RBPJ: variants seen among roughly 807,000 people sequenced by gnomAD.
RBPJ encodes the protein recombining binding protein suppressor of hairless.
RBPJ carries 9 observed loss-of-function variants against 67.8 expected under a neutral mutation model. The ratio of observed to expected loss-of-function variants is 0.13; its 90% CI spans 0.08 to 0.23. The LOEUF (loss-of-function observed/expected upper bound fraction) is 0.23. RBPJ is among the 10% of genes least tolerant of loss of function. The probability of loss-of-function intolerance (pLI) is 1.00; values close to 1 mark genes in which losing one functional copy is unlikely to be tolerated. For missense variants in RBPJ, 305 were observed against 595.6 expected (o/e 0.51, Z 5.08); for synonymous variants, 198 against 203.3 (o/e 0.97, Z 0.22).
chr4:26,236,404 GGTTGGGT>G (rs1719453660), intron 1 of RBPJ, among the ~76,000 whole-genome samples: 1 of 152,182 alleles, frequency 6.6e-6, no homozygotes, highest in African/African-American at 2.4e-5. Flanking sequence ...GAGTGCCTCA[GGTTGGGT>G]AGTTTTCATT....
intron 1 of RBPJ, among the ~76,000 whole-genome samples, chr4:26,308,591 A>G (rs1024633778): frequency 6.6e-6 from 1 of 152,242 alleles, no homozygotes; most frequent in Non-Finnish European, 1.5e-5. Context: ...GTTCAAAGGG[A>G]TTATTAGTCA....
chr4:26,391,886 C>T (rs1269186778), intron 2 of RBPJ, among the ~76,000 whole-genome samples: 3 of 152,178 alleles, frequency 2.0e-5, no homozygotes, highest in Non-Finnish European at 4.4e-5. Context: ...ATTTATGTCT[C>T]ATAATTCTGG....
chr4:26,411,119 A>G (rs1027696004), intron 3 of RBPJ, among the ~76,000 whole-genome samples: 3 of 152,098 alleles, frequency 2.0e-5, no homozygotes, highest in Non-Finnish European at 4.4e-5. Context: ...ACCACATAAG[A>G]TATATTTTAG....
At chr4:26,216,016 C>G (rs76095408) in intron 1 of RBPJ, among the ~76,000 whole-genome samples, 1,730 of 152,206 alleles carry the variant, frequency 0.011, 26 homozygotes, top group African/African-American at 0.039. Flanking sequence ...TCAGGGCCAC[C>G]CTCCCTATCG....
intron 1 of RBPJ, among the ~76,000 whole-genome samples, chr4:26,342,956 CTTTTG>C (rs1179752719): frequency 2.0e-5 from 3 of 152,134 alleles, no homozygotes; most frequent in Non-Finnish European, 4.4e-5. Context: ...TACTGGAGTA[CTTTTG>C]TTTTATGTAA....
At chr4:26,366,396 T>G (rs1376205048) in intron 1 of RBPJ, among the ~76,000 whole-genome samples, 2 of 152,144 alleles carry the variant, frequency 1.3e-5, no homozygotes, top group South Asian at 4.1e-4. Flanking sequence ...ATGTGTTTGT[T>G]TGCCCTGGTA....
intron 1 of RBPJ, among the ~76,000 whole-genome samples, chr4:26,230,900 G>T (rs1719256517): frequency 6.6e-6 from 1 of 152,090 alleles, no homozygotes; most frequent in African/African-American, 2.4e-5. Flanking sequence ...GATATATTTT[G>T]ACATTTTGAG....
chr4:26,289,247 A>C (rs1023465096), intron 1 of RBPJ, among the ~76,000 whole-genome samples: 2 of 149,678 alleles, frequency 1.3e-5, no homozygotes, highest in African/African-American at 4.9e-5. Flanking sequence ...AAATACAAAA[A>C]TTAGCTGGGC....
chr4:26,106,248 G>A, the RBPJ span, among the ~76,000 whole-genome samples: 13 of 152,308 alleles, frequency 8.5e-5, no homozygotes, highest in East Asian at 2.3e-3. Flanking sequence ...TATTTTCCAG[G>A]CTATCTTGCA....
chr4:26,343,739 CTTTT>C (rs71186404), intron 1 of RBPJ, among the ~76,000 whole-genome samples: 9 of 55,832 alleles, frequency 1.6e-4, no homozygotes, highest in African/African-American at 2.5e-4. Context: ...TTTCTTTCTT[CTTTT>C]TTTTTTTTTT....
intron 3 of RBPJ, among the ~76,000 whole-genome samples, chr4:26,413,382 T>C (rs890868363): frequency 6.6e-6 from 1 of 152,210 alleles, no homozygotes; most frequent in Non-Finnish European, 1.5e-5. Flanking sequence ...CCCATACTTA[T>C]CACCAGCTAA....
At chr4:26,320,599 C>A, upstream of RBPJ, 3 of 805,186 alleles carry the variant, frequency 3.7e-6, no homozygotes, top group Non-Finnish European at 5.7e-6. Flanking sequence ...GCCTGTGAAA[C>A]GCAGCCCATT....
At chr4:26,337,111 G>A (rs958177401) in intron 1 of RBPJ, among the ~76,000 whole-genome samples, 1 of 151,184 alleles carries the variant, frequency 6.6e-6, no homozygotes, top group Non-Finnish European at 1.5e-5. Flanking sequence ...ACAGGCGACA[G>A]CCACCATGCC....
chr4:26,362,714 G>C (rs1728203919), intron 1 of RBPJ: 1 of 1,067,766 alleles, frequency 9.4e-7, no homozygotes, highest in Non-Finnish European at 1.4e-6. Flanking sequence ...GCATATTTAA[G>C]ATATTCTGTA....
chr4:26,401,790 A>G (rs1386270050), intron 2 of RBPJ, among the ~76,000 whole-genome samples: 2 of 152,024 alleles, frequency 1.3e-5, no homozygotes, highest in Non-Finnish European at 1.5e-5. Context: ...TCAAATATAT[A>G]GTAGCTCTTC....
chr4:26,191,688 T>G lies in RBPJ; in HGVS notation c.-167+28074T>G, dbSNP rs140620003. On this transcript the variant is annotated intron_variant, in intron 1 of 4. Transcript: ENST00000512351. ...ATGACGGGAGACTACATGTATAAAA[T>G]GTGGTCTACCAGGGAAGCTCATTAG... 1.4e-3 allele frequency among the ~76,000 whole-genome samples: 220 copies of G among 152,274 alleles called. 1 individual carries two copies. Among genetic ancestry groups the G allele is most frequent in the African/African-American group, 4.8e-3 (199 of 41,554 alleles).
chr4:26,106,259 A>G, the RBPJ span, among the ~76,000 whole-genome samples: 1 of 152,216 alleles, frequency 6.6e-6, no homozygotes, highest in African/African-American at 2.4e-5. Flanking sequence ...CTATCTTGCA[A>G]TAGAGTTCTA....
At chr4:26,374,516 C>G (rs1729508112) in intron 1 of RBPJ, among the ~76,000 whole-genome samples, 1 of 151,462 alleles carries the variant, frequency 6.6e-6, no homozygotes, top group South Asian at 2.1e-4. Context: ...CGCTCTGTCA[C>G]CAGGCTGGAG....
rs185315115 is a variant in RBPJ at position 26,370,953 on chromosome 4, G to A, written c.21-15400G>A. 8.6e-5 allele frequency among the ~76,000 whole-genome samples: 13 copies of A among 152,000 alleles called. 1 individual carries two copies. Among genetic ancestry groups the A allele is most frequent in the African/African-American group, 1.4e-4 (6 of 41,476 alleles). ...AAATTAGCCGGGCGTGGTGGCGGAC[G>A]CCTGTAGTCCCAGCTACTCTGGAGG... On this transcript the variant is annotated intron_variant, in intron 1 of 10. Transcript: ENST00000355476.
Sources: gnomAD v4.1 joint callset for allele counts (sites outside exome capture counted in the v4.1 genomes callset) on GRCh38, gnomAD v4.1.1 for gene constraint, MANE v1.5 for transcripts, NCBI Gene and HGNC (gene_info 2026-07-23, HGNC 2026-07-21) for gene names.